CNTN1: variants seen among roughly 807,000 people sequenced by gnomAD.
CNTN1 encodes contactin 1, also known as contactin-1.
In CNTN1, 38 loss-of-function variants were observed where a neutral mutation model predicts 126.4. That is an observed-to-expected ratio of 0.30 (90% CI 0.23 to 0.39). The LOEUF is 0.39. CNTN1 is among the 10% of genes least tolerant of loss of function. CNTN1 has a pLI of 1.00. For synonymous variants in CNTN1, 413 were observed against 422.6 expected, an observed-to-expected ratio of 0.98 and a Z score of 0.28; for missense variants, 1,009 against 1,248.4, an observed-to-expected ratio of 0.81 and a Z score of 2.89.
chr12:40,901,386 G>A (rs1390378909), intron 1 of CNTN1, among the ~76,000 whole-genome samples: 1 of 152,186 alleles, frequency 6.6e-6, no homozygotes, highest in African/African-American at 2.4e-5. Context: ...CATTTGGGGT[G>A]CACTTGTTAA....
chr12:40,897,990 C>T (rs189447906), intron 1 of CNTN1, among the ~76,000 whole-genome samples: 1 of 152,302 alleles, frequency 6.6e-6, no homozygotes, highest in Admixed American at 6.5e-5. Context: ...CCTAGCCATG[C>T]TTATTCTTCA....
intron 23 of CNTN1, among the ~76,000 whole-genome samples, chr12:41,046,849 T>TTTTTTTTTTTTTTTTTTTTC: frequency 9.8e-6 from 1 of 102,352 alleles, no homozygotes; most frequent in African/African-American, 5.3e-5. Context: ...GCTTATTTCT[T>TTTTTTTTTTTTTTTTTTTTC]TTTTTTTTTT....
intron 15 of CNTN1, among the ~76,000 whole-genome samples, chr12:40,970,517 G>A (rs1443266520): frequency 4.6e-5 from 7 of 151,844 alleles, no homozygotes; most frequent in Admixed American, 4.6e-4. Context: ...TATCTCCAGG[G>A]GGCAGTAGTG....
At chr12:40,911,205 C>A (rs11834033) in intron 3 of CNTN1, among the ~76,000 whole-genome samples, 1 of 152,100 alleles carries the variant, frequency 6.6e-6, no homozygotes, top group Non-Finnish European at 1.5e-5. Flanking sequence ...CTCAGCCTCC[C>A]GAGTAGCTGG....
chr12:40,872,111 T>C (rs1283770123), intron 1 of CNTN1, among the ~76,000 whole-genome samples: 1 of 152,020 alleles, frequency 6.6e-6, no homozygotes. Flanking sequence ...AATTGAGCTA[T>C]TATAAATACC....
At chr12:41,055,274 G>A (rs2121058797) in intron 23 of CNTN1, among the ~76,000 whole-genome samples, 1 of 152,070 alleles carries the variant, frequency 6.6e-6, no homozygotes, top group South Asian at 2.1e-4. Context: ...TTTACTTTTT[G>A]TGAATATCCA....
At chr12:41,025,648 TC>T (rs1949021347) in intron 21 of CNTN1, among the ~76,000 whole-genome samples, 1 of 152,230 alleles carries the variant, frequency 6.6e-6, no homozygotes, top group Admixed American at 6.5e-5. Flanking sequence ...AACATTGTTT[TC>T]ATAGGAGTAC....
intron 1 of CNTN1, among the ~76,000 whole-genome samples, chr12:40,741,425 C>T (rs1937939585): frequency 6.6e-6 from 1 of 151,846 alleles, no homozygotes; most frequent in African/African-American, 2.4e-5. Flanking sequence ...CTTTTTCTTC[C>T]TATATATGCT....
intron 1 of CNTN1, among the ~76,000 whole-genome samples, chr12:40,703,665 G>A (rs1173309688): frequency 6.6e-6 from 1 of 152,182 alleles, no homozygotes; most frequent in East Asian, 1.9e-4. Context: ...TCAGTGAGAA[G>A]AGTTTCTAGA....
intron 15 of CNTN1, among the ~76,000 whole-genome samples, chr12:40,961,737 A>G (rs1183469292): frequency 1.3e-5 from 2 of 152,092 alleles, no homozygotes; most frequent in Non-Finnish European, 2.9e-5. Context: ...ACTCTCTAAT[A>G]AAATAAATTG....
intron 1 of CNTN1, among the ~76,000 whole-genome samples, chr12:40,712,266 C>T (rs1045125056): frequency 6.6e-6 from 1 of 152,028 alleles, no homozygotes; most frequent in Non-Finnish European, 1.5e-5. Context: ...ATTTGTTTTT[C>T]AGCAAATTTT....
At chr12:40,959,093 A>G in intron 14 of CNTN1, 21 bp from the exon 15 acceptor site, 1 of 1,611,784 alleles carries the variant, frequency 6.2e-7, no homozygotes, top group Non-Finnish European at 8.5e-7. Context: ...TGATTTGAAT[A>G]ATTGCTGTTT....
chr12:40,710,001 G>A (rs111909645), intron 1 of CNTN1, among the ~76,000 whole-genome samples: 7,253 of 152,136 alleles, frequency 0.048, 233 homozygotes, highest in Middle Eastern at 0.17. Flanking sequence ...TTCGCCAGGA[G>A]CCCCAGGTTT....
chr12:40,841,700 GAA>G (rs956709587), intron 1 of CNTN1, among the ~76,000 whole-genome samples: 2 of 151,590 alleles, frequency 1.3e-5, no homozygotes, highest in Non-Finnish European at 2.9e-5. Flanking sequence ...AATAGATGCA[GAA>G]AAAAAATTTG....
At chr12:40,871,778 A>G (rs895675447) in intron 1 of CNTN1, among the ~76,000 whole-genome samples, 1 of 152,272 alleles carries the variant, frequency 6.6e-6, no homozygotes, top group East Asian at 1.9e-4. Flanking sequence ...GATAATTTGA[A>G]TACTCATCTG....
At chr12:41,006,637 A>G (rs548007882) in intron 17 of CNTN1, among the ~76,000 whole-genome samples, 1 of 152,390 alleles carries the variant, frequency 6.6e-6, no homozygotes, top group Admixed American at 6.5e-5. Flanking sequence ...TTGAATCACA[A>G]TTATTAGGAG....
chr12:40,735,627 A>G (rs902963657), intron 1 of CNTN1, among the ~76,000 whole-genome samples: 1 of 152,100 alleles, frequency 6.6e-6, no homozygotes, highest in Non-Finnish European at 1.5e-5. Flanking sequence ...TAACAAGAAA[A>G]ATGTAAACCA....
At position 41,044,394 on chromosome 12, in the gene CNTN1, C is replaced by G. The variant is rs1949494530; in HGVS notation, c.2980+15175C>G. Reference sequence around the variant, plus strand: ...ACAAAGTCAGTAAACACAGGTTTATCCTTTAAAAATATATTATTTGGCTCT... The same window carrying G: ...ACAAAGTCAGTAAACACAGGTTTATGCTTTAAAAATATATTATTTGGCTCT... On this transcript the variant is annotated intron_variant, in intron 23 of 23. Coordinates refer to ENST00000551295, the MANE Select transcript of CNTN1 (RefSeq NM_001843.4). Among the ~76,000 whole-genome samples the G allele has an allele frequency of 3.3e-5, 5 of 152,028 alleles. No homozygotes were observed. The East Asian group carries it at 9.7e-4, about 29-fold the overall frequency.
At chr12:41,033,536 T>A (rs7968062) in intron 23 of CNTN1, among the ~76,000 whole-genome samples, 3,341 of 152,272 alleles carry the variant, frequency 0.022, 121 homozygotes, top group African/African-American at 0.076. Context: ...TATAGATAGC[T>A]GAATCAAGAA....
Sources: gnomAD v4.1 joint callset for allele counts (sites outside exome capture counted in the v4.1 genomes callset) on GRCh38, gnomAD v4.1.1 for gene constraint, MANE v1.5 for transcripts, NCBI Gene and HGNC (gene_info 2026-07-23, HGNC 2026-07-21) for gene names.